STAG2: variants seen among roughly 807,000 people sequenced by gnomAD.
STAG2 encodes the protein STAG2 cohesin complex component, also known as cohesin subunit SA-2.
A neutral mutation model predicts 108.1 loss-of-function variants in STAG2; 14 were observed. The ratio of observed to expected loss-of-function variants is 0.13; its 90% confidence interval spans 0.09 to 0.20. The LOEUF (loss-of-function observed/expected upper bound fraction) is 0.20. Among genes scored for constraint, STAG2 ranks in the 10% least tolerant of loss-of-function variants. The pLI is 1.00. For synonymous variants in STAG2, 307 were observed against 302.7 expected (o/e 1.01, Z -0.15); for missense variants, 440 against 940.9 (o/e 0.47, Z 6.96).
intron 25 of STAG2, among the ~76,000 whole-genome samples, chrX:124,074,879 C>T (rs755833082): frequency 2.7e-5 from 3 of 111,742 alleles, no homozygotes; most frequent in Non-Finnish European, 3.8e-5. Flanking sequence ...TGTCTGTATG[C>T]GATTGGAAAC....
At chrX:124,035,266 C>G (rs1274888306) in intron 5 of STAG2, among the ~76,000 whole-genome samples, 2 of 111,734 alleles carry the variant, frequency 1.8e-5, no homozygotes, top group East Asian at 5.6e-4. Context: ...CATAAGTTCT[C>G]AGCATACTAT....
chrX:124,005,274 T>C (rs1338734554), intron 1 of STAG2, among the ~76,000 whole-genome samples: 1 of 112,141 alleles, frequency 8.9e-6, no homozygotes, highest in Non-Finnish European at 1.9e-5. Flanking sequence ...CAGATCTTGC[T>C]AGTTATACAT....
Position 124,100,629 on chromosome X carries a change from C to A in STAG2, c.*32C>A. 8.8e-7 allele frequency: 1 copy of A among 1,139,253 alleles called. No individual in the cohort carries two copies. The highest frequency in any genetic ancestry group is 1.2e-6 in the Non-Finnish European group (1 of 833,452). 93.9% of individuals were successfully genotyped at this position (1,139,253 alleles called of 1,213,427 possible). On this transcript the variant is annotated 3_prime_UTR_variant, in exon 35 of 35. Transcript: ENST00000371145. ...TACACAATTAAATCTGTGGTGAAGT[C>A]ATTTTCTAAGTGGAAGAGGAAATTT...
At chrX:124,056,001 T>TA (rs1159179914) in intron 13 of STAG2, 127 bp from the exon 14 acceptor site, 2 of 346,402 alleles carry the variant, frequency 5.8e-6, no homozygotes, top group Non-Finnish European at 9.4e-6. Context: ...ATTTGGTTTT[T>TA]TTTTTCCTTT....
chrX:124,087,140 A>G (rs1192092570), intron 30 of STAG2, among the ~76,000 whole-genome samples: 1 of 112,143 alleles, frequency 8.9e-6, no homozygotes, highest in African/African-American at 3.2e-5. Flanking sequence ...TACCCAAGAG[A>G]TCAGATCATC....
chrX:123,969,948 TC>T (rs1447577668), intron 1 of STAG2, among the ~76,000 whole-genome samples: 1 of 91,298 alleles, frequency 1.1e-5, no homozygotes, highest in Admixed American at 1.2e-4. Context: ...CACCCGGTCT[TC>T]CTGTTTTTTT....
intron 1 of STAG2, among the ~76,000 whole-genome samples, chrX:123,999,687 C>T (rs777126773): frequency 5.1e-4 from 57 of 111,424 alleles, no homozygotes; most frequent in African/African-American, 1.8e-3. Context: ...TCTCGGCTCA[C>T]TGCAACAACC....
At chrX:124,086,228 G>A (rs2059103991) in intron 29 of STAG2, among the ~76,000 whole-genome samples, 1 of 111,351 alleles carries the variant, frequency 9.0e-6, no homozygotes, top group Non-Finnish European at 1.9e-5. Flanking sequence ...TTACATATAA[G>A]CCTTGAGATA....
chrX:124,056,649 C>T (rs1011034515), intron 14 of STAG2, among the ~76,000 whole-genome samples: 4 of 95,916 alleles, frequency 4.2e-5, no homozygotes, highest in Admixed American at 1.3e-4. Context: ...AGGAGAATGG[C>T]GTGAACTCGG....
At chrX:124,049,461 T>C (rs1241771433) in intron 10 of STAG2, among the ~76,000 whole-genome samples, 1 of 112,317 alleles carries the variant, frequency 8.9e-6, no homozygotes, top group African/African-American at 3.2e-5. Context: ...AGATATTTTC[T>C]TTTGCTGTTT....
intron 26 of STAG2, 118 bp downstream of exon 26, chrX:124,076,589 T>C: frequency 1.4e-6 from 1 of 707,515 alleles, no homozygotes; most frequent in Non-Finnish European, 2.0e-6. Context: ...AGTTGTATTT[T>C]AAAATATTTA....
intron 1 of STAG2, among the ~76,000 whole-genome samples, chrX:124,004,061 T>C (rs1251539309): frequency 8.9e-6 from 1 of 112,165 alleles, no homozygotes; most frequent in African/African-American, 3.2e-5. Flanking sequence ...GCTTTCACAT[T>C]TGTTGTGCAG....
intron 1 of STAG2, among the ~76,000 whole-genome samples, chrX:123,982,546 C>T (rs1331419387): frequency 9.1e-6 from 1 of 110,118 alleles, no homozygotes; most frequent in Non-Finnish European, 1.9e-5. Flanking sequence ...GCCACCACGC[C>T]TGGCCAATTT....
intron 1 of STAG2, among the ~76,000 whole-genome samples, chrX:123,968,827 A>G (rs2054221379): frequency 8.9e-6 from 1 of 112,217 alleles, no homozygotes; most frequent in African/African-American, 3.2e-5. Context: ...TCTTCTGTTT[A>G]ATCTTCTCAA....
At chrX:124,081,278 C>T (rs746550853) in intron 27 of STAG2, 102 bp from the exon 28 acceptor site, 1 of 542,837 alleles carries the variant, frequency 1.8e-6, no homozygotes, top group Non-Finnish European at 2.8e-6. Flanking sequence ...TACAGTGCCT[C>T]ATTTATTGAA....
intron 23 of STAG2, among the ~76,000 whole-genome samples, chrX:124,066,729 C>T (rs777637939): frequency 8.9e-6 from 1 of 111,866 alleles, no homozygotes; most frequent in African/African-American, 3.2e-5. Context: ...TATTAGATTA[C>T]ATAAATTGAA....
At chrX:124,065,973 T>C in intron 21 of STAG2, 27 bp downstream of exon 21, 2 of 1,111,364 alleles carry the variant, frequency 1.8e-6, no homozygotes, top group South Asian at 2.1e-5. Flanking sequence ...AGTTCCTGTT[T>C]TCTTAAATCT....
At chrX:123,992,647 T>A (rs375328503) in intron 1 of STAG2, among the ~76,000 whole-genome samples, 169 of 110,372 alleles carry the variant, frequency 1.5e-3, no homozygotes, top group African/African-American at 5.3e-3. Context: ...TAAGCAATTC[T>A]CCAACATCAA....
chrX:124,063,343 C>G (rs1358352873), intron 19 of STAG2, 138 bp downstream of exon 19: 1 of 474,061 alleles, frequency 2.1e-6, no homozygotes, highest in Non-Finnish European at 3.5e-6. Flanking sequence ...GTCTTCTGTA[C>G]TTTAGTTTGA....
Sources: gnomAD v4.1 joint callset for allele counts (sites outside exome capture counted in the v4.1 genomes callset) on GRCh38, gnomAD v4.1.1 for gene constraint, MANE v1.5 for transcripts, NCBI Gene and HGNC (gene_info 2026-07-23, HGNC 2026-07-21) for gene names.